PKIG: variants seen among roughly 807,000 people sequenced by gnomAD.
PKIG encodes the protein protein kinase (cAMP-dependent, catalytic) inhibitor gamma.
Under a neutral mutation model 6.8 loss-of-function variants are expected in PKIG, and 1 was observed. The observed-to-expected ratio is 0.15, with a 90% confidence interval of 0.05 to 0.69. PKIG has a LOEUF of 0.69. Among genes scored for constraint, PKIG ranks in the 30% least tolerant of loss-of-function variants. The pLI, the probability that PKIG is intolerant of heterozygous loss-of-function variation, is 0.82. For missense variants in PKIG, 77 were observed against 104.0 expected, an observed-to-expected ratio of 0.74 and a Z score of 1.13; for synonymous variants, 39 against 43.0, an observed-to-expected ratio of 0.91 and a Z score of 0.36.
intron 1 of PKIG, among the ~76,000 whole-genome samples, chr20:44,555,128 G>C (rs887172565): frequency 1.3e-5 from 2 of 151,928 alleles, no homozygotes; most frequent in African/African-American, 4.8e-5. Context: ...TATTTTTGTT[G>C]ATGTTATTCT....
chr20:44,534,386 T>G (rs1390213405), intron 1 of PKIG, among the ~76,000 whole-genome samples: 2 of 151,874 alleles, frequency 1.3e-5, no homozygotes, highest in African/African-American at 4.8e-5. Context: ...GGTATAAGTG[T>G]GGAAGGAAAG....
chr20:44,565,010 G>A (rs181851146), intron 1 of PKIG, among the ~76,000 whole-genome samples: 1 of 152,280 alleles, frequency 6.6e-6, no homozygotes, highest in Non-Finnish European at 1.5e-5. Context: ...TCATTAGGAC[G>A]TGTTGACCTT....
chr20:44,571,541 C>T (rs138897517), intron 1 of PKIG, among the ~76,000 whole-genome samples: 1 of 152,112 alleles, frequency 6.6e-6, no homozygotes, highest in South Asian at 2.1e-4. Flanking sequence ...TTCTTTACAC[C>T]ACATCCTGCC....
At chr20:44,575,900 G>A (rs953879398) in intron 1 of PKIG, among the ~76,000 whole-genome samples, 1 of 152,086 alleles carries the variant, frequency 6.6e-6, no homozygotes, top group Non-Finnish European at 1.5e-5. Context: ...CTGTCTTCAG[G>A]TTCAGAGCCT....
intron 2 of PKIG, among the ~76,000 whole-genome samples, chr20:44,598,064 T>C (rs1257033634): frequency 6.6e-6 from 1 of 152,222 alleles, no homozygotes; most frequent in African/African-American, 2.4e-5. Context: ...TGCAGTTAGA[T>C]GGTGGCTGGA....
intron 2 of PKIG, among the ~76,000 whole-genome samples, chr20:44,612,594 G>A (rs1284454845): frequency 1.3e-5 from 2 of 152,176 alleles, no homozygotes. Flanking sequence ...TATAGTAGCA[G>A]TACTTCTTGT....
intron 2 of PKIG, among the ~76,000 whole-genome samples, chr20:44,612,665 G>A (rs2065230005): frequency 6.6e-6 from 1 of 152,196 alleles, no homozygotes; most frequent in Admixed American, 6.5e-5. Context: ...AATAAAAACA[G>A]CACTGACTTT....
upstream of PKIG, among the ~76,000 whole-genome samples, chr20:44,582,279 G>A (rs889209778): frequency 1.3e-5 from 2 of 152,300 alleles, no homozygotes; most frequent in Non-Finnish European, 2.9e-5. Flanking sequence ...CCACTAAGAA[G>A]CAAAGGAATT....
At chr20:44,568,231 CAAAGG>C (rs1332729016) in intron 1 of PKIG, among the ~76,000 whole-genome samples, 1 of 151,946 alleles carries the variant, frequency 6.6e-6, no homozygotes, top group Admixed American at 6.6e-5. Flanking sequence ...ATGTATTTTC[CAAAGG>C]AACTTAAAAA....
chr20:44,600,098 AC>A (rs1568829915), intron 2 of PKIG, among the ~76,000 whole-genome samples: 1 of 152,254 alleles, frequency 6.6e-6, no homozygotes, highest in African/African-American at 2.4e-5. Flanking sequence ...GAGCAGGGTT[AC>A]AGAGAATGTT....
chr20:44,551,819 G>A (rs545537903), intron 1 of PKIG, among the ~76,000 whole-genome samples: 1 of 152,308 alleles, frequency 6.6e-6, no homozygotes, highest in African/African-American at 2.4e-5. Flanking sequence ...GAACTTATCT[G>A]TAATTCTCCT....
At chr20:44,541,611 T>A (rs1283871379) in intron 1 of PKIG, among the ~76,000 whole-genome samples, 1 of 152,166 alleles carries the variant, frequency 6.6e-6, no homozygotes, top group Non-Finnish European at 1.5e-5. Context: ...TTTAATTGGC[T>A]TATATAAAAC....
intron 2 of PKIG, among the ~76,000 whole-genome samples, chr20:44,609,430 C>T (rs1022276222): frequency 1.3e-5 from 2 of 152,320 alleles, no homozygotes; most frequent in Admixed American, 6.5e-5. Context: ...CAGCACTCCA[C>T]GGTGCACGGA....
At chr20:44,534,533 A>G (rs375324395) in intron 1 of PKIG, among the ~76,000 whole-genome samples, 1 of 151,366 alleles carries the variant, frequency 6.6e-6, no homozygotes, top group Non-Finnish European at 1.5e-5. Context: ...TAGTGGTGCA[A>G]TCTTGGCTCA....
At position 44,545,555 on chromosome 20, in the gene PKIG, A is replaced by G. The variant is rs1292563685; in HGVS notation, c.-241+13577A>G. Among the ~76,000 whole-genome samples, 3 of 152,052 alleles carry G rather than the reference A, an allele frequency of 2.0e-5. No homozygotes were observed. The East Asian group carries it at 5.8e-4, about 29-fold the overall frequency. On this transcript the variant is annotated intron_variant, in intron 1 of 4. Transcript: ENST00000372887. The stretch of plus-strand genomic sequence containing the variant: ...TATGGAGATTCTGACAGATAGGGTA[A>G]CTCTCACCTGTAATCCTAGCACTGG...
At chr20:44,552,316 T>C (rs2064676198) in intron 1 of PKIG, among the ~76,000 whole-genome samples, 1 of 152,330 alleles carries the variant, frequency 6.6e-6, no homozygotes, top group East Asian at 1.9e-4. Context: ...TTACATTTGA[T>C]TGTGTGTTTC....
intron 1 of PKIG, among the ~76,000 whole-genome samples, chr20:44,537,741 TA>T (rs1254282663): frequency 2.0e-5 from 3 of 148,378 alleles, no homozygotes; most frequent in African/African-American, 7.4e-5. Flanking sequence ...CCACACCGGC[TA>T]TTTTTTTTTT....
chr20:44,614,875 G>T lies in PKIG; in HGVS notation c.151+168G>T. The T allele has an allele frequency of 1.5e-6, 1 of 684,696 alleles. No homozygotes were observed. The highest frequency in any genetic ancestry group is 2.4e-6 in the Non-Finnish European group (1 of 415,166). 42.4% of individuals were successfully genotyped at this position (684,696 alleles called of 1,614,324 possible). ...GAGTCCAGCAATCTCTAGGTTGGAAGATGTTTGAGTCTCAGGCCCCAAGGA... is the reference window on the plus strand; with the variant it reads ...GAGTCCAGCAATCTCTAGGTTGGAATATGTTTGAGTCTCAGGCCCCAAGGA... On this transcript the variant is annotated intron_variant, in intron 3 of 3. Transcript: ENST00000372886. The surrounding 1 kb of genome is among the most constrained non-coding windows in gnomAD (Gnocchi z 4.6).
At chr20:44,583,712 G>T (rs73615490) in intron 1 of PKIG, among the ~76,000 whole-genome samples, 1,734 of 152,266 alleles carry the variant, frequency 0.011, 16 homozygotes, top group East Asian at 0.063. Context: ...TTCTTTATTT[G>T]TACCTAATGA....
Sources: gnomAD v4.1 joint callset for allele counts (sites outside exome capture counted in the v4.1 genomes callset) on GRCh38, gnomAD v4.1.1 for gene constraint, Gnocchi (gnomAD v3.1) non-coding constraint, MANE v1.5 for transcripts, NCBI Gene and HGNC (gene_info 2026-07-23, HGNC 2026-07-21) for gene names.